Variants in CLIP2 observed in about 807,000 individuals in gnomAD.
The protein encoded by CLIP2 is CAP-Gly domain containing linker protein 2, also known as CAP-Gly domain-containing linker protein 2.
In CLIP2, 41 loss-of-function variants were observed where a neutral mutation model predicts 111.7. The ratio of observed to expected loss-of-function variants is 0.37; its 90% confidence interval spans 0.29 to 0.48. CLIP2 has a LOEUF of 0.48. Among genes scored for constraint, CLIP2 ranks in the 20% least tolerant of loss-of-function variants. CLIP2 has a pLI of 0.99. For missense variants in CLIP2, 1,160 were observed against 1,422.1 expected (o/e 0.82, Z 2.96); for synonymous variants, 660 against 644.2 (o/e 1.02, Z -0.37).
At chr7:74,299,558 G>T (rs1282333883) in intron 1 of CLIP2, among the ~76,000 whole-genome samples, 3 of 152,148 alleles carry the variant, frequency 2.0e-5, no homozygotes, top group Admixed American at 6.5e-5. Flanking sequence ...TTTGCACCCT[G>T]TCGCCTCTGG....
At chr7:74,378,419 C>T (rs979258954) in intron 10 of CLIP2, among the ~76,000 whole-genome samples, 1 of 152,234 alleles carries the variant, frequency 6.6e-6, no homozygotes, top group African/African-American at 2.4e-5. Context: ...GTAGGTACTG[C>T]ACCTGACCAC....
chr7:74,391,523 A>C (rs1279857038), intron 13 of CLIP2, among the ~76,000 whole-genome samples: 3 of 152,096 alleles, frequency 2.0e-5, no homozygotes, highest in East Asian at 1.9e-4. Context: ...CTAACAATTA[A>C]AAATCAGAAG....
chr7:74,349,204 G>A (rs190113740), intron 3 of CLIP2, among the ~76,000 whole-genome samples: 85 of 151,726 alleles, frequency 5.6e-4, no homozygotes, highest in Non-Finnish European at 1.1e-3. Flanking sequence ...AGGCCAAGGC[G>A]GGCAGATCAC....
In CLIP2 at chr7:74,376,827, G is replaced by A. The variant is rs782132058; in HGVS notation, c.2421+5G>A. ...TGCTCCTCCCAGCACACCCACGTAG[G>A]CGCCTGCCCCTCCTGCTGGGGCGGG... is the stretch of plus-strand genomic sequence containing the variant. On this transcript the variant is annotated splice_donor_5th_base_variant and intron_variant, in intron 10 of 16. Coordinates refer to ENST00000223398, the MANE Select transcript of CLIP2 (RefSeq NM_003388.5). This position sits in a 1 kb window ranked among gnomAD's most constrained non-coding sequence, Gnocchi z 7.1. 14 of 1,568,188 alleles carry A rather than the reference G, an allele frequency of 8.9e-6. No homozygotes were observed.
intron 3 of CLIP2, among the ~76,000 whole-genome samples, chr7:74,350,756 A>G (rs782069349): frequency 1.3e-5 from 2 of 151,890 alleles, no homozygotes; most frequent in Non-Finnish European, 2.9e-5. Context: ...AATCTCAGCT[A>G]CTTGGGAGGC....
chr7:74,393,566 C>T (rs1372145494), intron 13 of CLIP2, among the ~76,000 whole-genome samples: 3 of 151,726 alleles, frequency 2.0e-5, no homozygotes, highest in African/African-American at 7.3e-5. Flanking sequence ...GAACTCCCGA[C>T]CTCAGGTGAT....
At chr7:74,341,889 G>A (rs921029108) in intron 3 of CLIP2, among the ~76,000 whole-genome samples, 12 of 152,150 alleles carry the variant, frequency 7.9e-5, no homozygotes, top group African/African-American at 2.9e-4. Context: ...GCCAGTGATC[G>A]CAGACATCAG....
rs116320526 is a variant in CLIP2 at position 74,392,068 on chromosome 7, G to A, written c.2720+2809G>A. On this transcript the variant is annotated intron_variant, in intron 13 of 16. Transcript: ENST00000223398. ...CAAAAAAATAGAAAAATAGCTGGGC[G>A]TGGCTGGGCGCAGTGGCTCACGCCT... Among the ~76,000 whole-genome samples, 401 of 151,864 alleles carry A rather than the reference G, an allele frequency of 2.6e-3. 2 individuals are homozygous for A. Among genetic ancestry groups the A allele is most frequent in the African/African-American group, 8.0e-3 (333 of 41,444 alleles).
chr7:74,350,845 G>T (rs1736853756), intron 3 of CLIP2, among the ~76,000 whole-genome samples: 1 of 151,164 alleles, frequency 6.6e-6, no homozygotes, highest in Non-Finnish European at 1.5e-5. Context: ...CAGTATGGGT[G>T]ACAAAGTGAG....
chr7:74,309,854 G>C (rs1584313946), intron 1 of CLIP2, among the ~76,000 whole-genome samples: 1 of 149,226 alleles, frequency 6.7e-6, no homozygotes, highest in East Asian at 2.0e-4. Flanking sequence ...ATTCATCTAT[G>C]TTGCACATAT....
At chr7:74,394,225 G>T (rs1187466768) in intron 13 of CLIP2, among the ~76,000 whole-genome samples, 1 of 150,584 alleles carries the variant, frequency 6.6e-6, no homozygotes, top group Admixed American at 6.6e-5. Context: ...TCCCTTCTGG[G>T]ATACCTTCTT....
At chr7:74,331,973 A>G (rs1466996694) in intron 2 of CLIP2, among the ~76,000 whole-genome samples, 1 of 146,784 alleles carries the variant, frequency 6.8e-6, no homozygotes, top group Non-Finnish European at 1.5e-5. Flanking sequence ...TGTAGGCAGT[A>G]GCTAAAGCTG....
At chr7:74,290,026 A>G (rs1018973282) in intron 1 of CLIP2, among the ~76,000 whole-genome samples, 46 of 152,320 alleles carry the variant, frequency 3.0e-4, no homozygotes, top group African/African-American at 1.1e-3. Context: ...CACCAGCCTC[A>G]TCGGGGTCCC....
intron 2 of CLIP2, among the ~76,000 whole-genome samples, chr7:74,331,476 G>T (rs571303065): frequency 2.6e-5 from 4 of 151,678 alleles, no homozygotes; most frequent in African/African-American, 9.7e-5. Context: ...GAGGAGGCAG[G>T]TCTTGATCCT....
In CLIP2 at chr7:74,347,538, G is replaced by A. The variant is rs534920767; in HGVS notation, c.679-6342G>A. On this transcript the variant is annotated intron_variant, in intron 3 of 16. Transcript: ENST00000223398. Reference sequence around the variant, plus strand: ...CCGCCTCGGCCTCCCAAAGTGCTGGGATTACAGGCGTGAGCCACCGCGTCC... The same window carrying A: ...CCGCCTCGGCCTCCCAAAGTGCTGGAATTACAGGCGTGAGCCACCGCGTCC... Among the ~76,000 whole-genome samples, 4 of 152,236 alleles carry A rather than the reference G, an allele frequency of 2.6e-5. No homozygotes were observed. In the East Asian group the frequency reaches 7.8e-4, roughly 30 times the overall value.
intron 10 of CLIP2, among the ~76,000 whole-genome samples, chr7:74,378,115 C>T (rs868993095): frequency 2.9e-5 from 4 of 138,654 alleles, no homozygotes; most frequent in African/African-American, 1.1e-4. Flanking sequence ...CGTGAGGCAC[C>T]ATCCCTGGCC....
At chr7:74,374,694 C>T (rs1447322682) in intron 9 of CLIP2, among the ~76,000 whole-genome samples, 1 of 152,066 alleles carries the variant, frequency 6.6e-6, no homozygotes, top group African/African-American at 2.4e-5. Flanking sequence ...ACACTCCAGC[C>T]TGGGCAAGAG....
At chr7:74,360,368 C>T (rs1790294909) in intron 7 of CLIP2, 90 bp downstream of exon 7, 1 of 913,722 alleles carries the variant, frequency 1.1e-6, no homozygotes, top group South Asian at 1.5e-5. Flanking sequence ...ACCCAGGTTC[C>T]AGTCCTGCCC....
chr7:74,346,233 A>G (rs1789792347), intron 3 of CLIP2, among the ~76,000 whole-genome samples: 1 of 152,070 alleles, frequency 6.6e-6, no homozygotes, highest in Non-Finnish European at 1.5e-5. Flanking sequence ...CTCCTTTCTC[A>G]GTCTCCCAAA....
Sources: allele counts gnomAD v4.1 joint callset (sites outside exome capture counted in the v4.1 genomes callset), GRCh38; gene constraint gnomAD v4.1.1; non-coding constraint Gnocchi (gnomAD v3.1); transcripts MANE v1.5; gene names NCBI Gene and HGNC (gene_info 2026-07-23, HGNC 2026-07-21).